The following SGPP1 variants were observed in gnomAD, a reference collection of about 807,000 sequenced individuals.
The protein encoded by SGPP1 is sphingosine-1-phosphate phosphatase 1, also known as hSPP1.
A neutral mutation model predicts 33.0 loss-of-function variants in SGPP1; 21 were observed. The ratio of observed to expected loss-of-function variants is 0.64; its 90% CI spans 0.45 to 0.92. The LOEUF (loss-of-function observed/expected upper bound fraction) is 0.92. Ranked by LOEUF, SGPP1 falls within the 40% of genes least tolerant of loss-of-function variation. SGPP1 has a pLI of 0.00. For missense variants in SGPP1, 543 were observed against 589.4 expected (o/e 0.92, Z 0.81); for synonymous variants, 239 against 241.2 (o/e 0.99, Z 0.08).
chr14:63,684,654 A>C lies in SGPP1; in HGVS notation c.*1451T>G, dbSNP rs1270157770. On this transcript the variant is annotated 3_prime_UTR_variant, in exon 3 of 3. Transcript: ENST00000247225. ...GGATAATCATACAGATATTGCACTAAAATCAGTAATTTCATACCTGGTATT... is the reference window on the plus strand; with the variant it reads ...GGATAATCATACAGATATTGCACTACAATCAGTAATTTCATACCTGGTATT... 6.6e-6 allele frequency: 1 copy of C among 152,520 alleles called. No individual in the cohort carries two copies. Among genetic ancestry groups the C allele is most frequent in the Non-Finnish European group, 1.5e-5 (1 of 67,914 alleles). The allele number at this position is 152,520 out of a possible 1,614,324, so 9.4% of individuals were successfully genotyped here.
chr14:63,727,665 C>T lies in SGPP1; in HGVS notation c.280G>A (p.Ala94Thr), dbSNP rs780131241. 6.7e-6 allele frequency: 9 copies of T among 1,334,952 alleles called. No individual in the cohort carries two copies. Among genetic ancestry groups the T allele is most frequent in the Admixed American group, 4.1e-5 (1 of 24,112 alleles). The allele number at this position is 1,334,952 out of a possible 1,614,324, so 82.7% of individuals were successfully genotyped here. ...GAPNGVRNGL[A>T]AELGPASPRR... ...GGCGAGGCCGGGCCCAGCTCGGCCG[C>T]CAGCCCGTTCCGCACGCCGTTGGGG... The change falls in exon 1 of 3, where the codon GCG (alanine) becomes ACG (threonine). Residue 94 changes from alanine to threonine, a missense_variant. Physicochemically the swap from Ala to Thr is moderately conservative, Grantham distance 58 (BLOSUM62 0). Coordinates refer to ENST00000247225, the MANE Select transcript of SGPP1 (RefSeq NM_030791.4).
intron 1 of SGPP1, among the ~76,000 whole-genome samples, chr14:63,712,821 G>A (rs1469262028): frequency 6.7e-6 from 1 of 148,232 alleles, no homozygotes; most frequent in Non-Finnish European, 1.5e-5. Flanking sequence ...GGAGGCTGAG[G>A]CAGGAGAATT....
At chr14:63,693,073 C>T (rs1165989300) in intron 2 of SGPP1, among the ~76,000 whole-genome samples, 1 of 152,130 alleles carries the variant, frequency 6.6e-6, no homozygotes, top group Non-Finnish European at 1.5e-5. Context: ...GGACCACAGG[C>T]ACACACCACC....
intron 1 of SGPP1, 56 bp downstream of exon 1, chr14:63,727,205 A>T (rs966849534): frequency 2.0e-6 from 3 of 1,518,780 alleles, no homozygotes; most frequent in Non-Finnish European, 2.6e-6. Flanking sequence ...GAGAGCAAAG[A>T]GAACTCCGAG....
chr14:63,685,805 A>G lies in SGPP1; in HGVS notation c.*300T>C, dbSNP rs533764611. ...TAATATATATCAGATATATAATTGC[A>G]TATTATGTACCTTATATATATTATA... On this transcript the variant is annotated 3_prime_UTR_variant, in exon 3 of 3. Coordinates refer to ENST00000247225, the MANE Select transcript of SGPP1 (RefSeq NM_030791.4). 6.6e-6 allele frequency: 1 copy of G among 151,212 alleles called. No homozygotes were observed. Among genetic ancestry groups the G allele is most frequent in the East Asian group, 1.9e-4 (1 of 5,362 alleles). 9.4% of individuals were successfully genotyped at this position (151,212 alleles called of 1,614,324 possible).
intron 1 of SGPP1, among the ~76,000 whole-genome samples, chr14:63,700,013 T>C (rs1595064325): frequency 6.6e-6 from 1 of 151,976 alleles, no homozygotes; most frequent in Non-Finnish European, 1.5e-5. Flanking sequence ...CCAAGGCTGA[T>C]GTGCGGCAGC....
chr14:63,700,435 C>T (rs913750366), intron 1 of SGPP1, among the ~76,000 whole-genome samples: 2 of 152,130 alleles, frequency 1.3e-5, no homozygotes, highest in African/African-American at 4.8e-5. Flanking sequence ...AAATGAGAAA[C>T]ATGAATTATC....
chr14:63,692,795 C>T (rs1478006606), intron 2 of SGPP1, among the ~76,000 whole-genome samples: 1 of 152,162 alleles, frequency 6.6e-6, no homozygotes, highest in African/African-American at 2.4e-5. Flanking sequence ...AGAAAACTCA[C>T]TGATACATAC....
intron 2 of SGPP1, among the ~76,000 whole-genome samples, chr14:63,695,619 T>C (rs1280255156): frequency 6.6e-6 from 1 of 152,162 alleles, no homozygotes; most frequent in Admixed American, 6.5e-5. Flanking sequence ...TTGTTAAAAC[T>C]CTTAGTGTTA....
intron 1 of SGPP1, among the ~76,000 whole-genome samples, chr14:63,726,898 T>C (rs1595075936): frequency 6.6e-6 from 1 of 152,330 alleles, no homozygotes; most frequent in Admixed American, 6.5e-5. Context: ...AACTGGGTCT[T>C]AGTTTACATA....
chr14:63,709,284 G>C (rs572697786), intron 1 of SGPP1, among the ~76,000 whole-genome samples: 1 of 151,352 alleles, frequency 6.6e-6, no homozygotes, highest in Non-Finnish European at 1.5e-5. Context: ...TGAGGCAGGA[G>C]AATCGCTTGA....
At chr14:63,706,719 G>A (rs905129792) in intron 1 of SGPP1, among the ~76,000 whole-genome samples, 4 of 152,246 alleles carry the variant, frequency 2.6e-5, no homozygotes, top group South Asian at 2.1e-4. Flanking sequence ...TTAGTTCTAA[G>A]AGCAACTGTG....
chr14:63,686,759 T>A, intron 2 of SGPP1, 103 bp from the exon 3 acceptor site: 1 of 827,604 alleles, frequency 1.2e-6, no homozygotes, highest in African/African-American at 1.7e-5. Context: ...TATACATAAA[T>A]TTTTTAAAGT....
At position 63,707,599 on chromosome 14, in the gene SGPP1, G is replaced by A. The variant is rs188393754; in HGVS notation, c.685-8941C>T. On this transcript the variant is annotated intron_variant, in intron 1 of 2. Coordinates refer to ENST00000247225, the MANE Select transcript of SGPP1 (RefSeq NM_030791.4). ...TGCCCAGGCTGGAGTGCAATGGCGC[G>A]ATCTCGGCTCACCGCAACCTCCGCC... is the stretch of plus-strand genomic sequence containing the variant. 8.5e-4 allele frequency among the ~76,000 whole-genome samples: 128 copies of A among 150,220 alleles called. 2 individuals carry two copies. In the East Asian group the frequency reaches 0.012, roughly 14 times the overall value.
rs1885317277 is a variant in SGPP1 at position 63,702,366 on chromosome 14, T to C, written c.685-3708A>G. On this transcript the variant is annotated intron_variant, in intron 1 of 2. Coordinates refer to ENST00000247225, the MANE Select transcript of SGPP1 (RefSeq NM_030791.4). ...TTTATTGACCGACTTTTTTTGGTCA[T>C]TACTCTCCACCTTTATGATATGTTC... Among the ~76,000 whole-genome samples the C allele has an allele frequency of 2.6e-5, 4 of 152,246 alleles. No individual in the cohort carries two copies. In the South Asian group the frequency reaches 6.2e-4, roughly 24 times the overall value.
chr14:63,713,470 C>T (rs1885562911), intron 1 of SGPP1, among the ~76,000 whole-genome samples: 1 of 152,158 alleles, frequency 6.6e-6, no homozygotes, highest in South Asian at 2.1e-4. Context: ...ACTATTTAGG[C>T]TCTGTGGCCT....
intron 1 of SGPP1, among the ~76,000 whole-genome samples, chr14:63,721,747 T>C (rs1244409922): frequency 1.3e-5 from 2 of 152,218 alleles, no homozygotes; most frequent in African/African-American, 2.4e-5. Flanking sequence ...AATATTCTTA[T>C]GTGTCTTTCT....
In SGPP1 at chr14:63,720,714, C is replaced by T. The variant is rs116174441; in HGVS notation, c.684+6547G>A. The stretch of plus-strand genomic sequence containing the variant: ...GCCGGAGGTTGCGGTGAGCCAAGGT[C>T]GCACCATTGCACTGCACTCCAGCCT... On this transcript the variant is annotated intron_variant, in intron 1 of 2. Coordinates refer to ENST00000247225, the MANE Select transcript of SGPP1 (RefSeq NM_030791.4). Among the ~76,000 whole-genome samples the T allele has an allele frequency of 3.7e-3, 556 of 152,090 alleles. 1 individual carries two copies. The highest frequency in any genetic ancestry group is 0.013 in the African/African-American group (519 of 41,486).
At chr14:63,694,481 A>G (rs981247955) in intron 2 of SGPP1, among the ~76,000 whole-genome samples, 3 of 147,064 alleles carry the variant, frequency 2.0e-5, no homozygotes, top group Non-Finnish European at 4.4e-5. Context: ...TCTGACCAGG[A>G]AAAAAAAACA....
Sources: gnomAD v4.1 joint callset for allele counts (sites outside exome capture counted in the v4.1 genomes callset) on GRCh38, gnomAD v4.1.1 for gene constraint, MANE v1.5 for transcripts, NCBI Gene and HGNC (gene_info 2026-07-23, HGNC 2026-07-21) for gene names.